The following TMEM184C variants were observed in gnomAD, a reference collection of about 807,000 sequenced individuals.
The protein encoded by TMEM184C is transmembrane protein 184C, also known as transmembrane protein 34.
Under a neutral mutation model 54.5 loss-of-function variants are expected in TMEM184C, and 25 were observed. That is an observed-to-expected ratio of 0.46 (90% confidence interval 0.33 to 0.64). The LOEUF (loss-of-function observed/expected upper bound fraction) is 0.64, where lower values mean the gene tolerates loss of function less well. TMEM184C is among the 30% of genes least tolerant of loss of function. The pLI is 0.02. For missense variants in TMEM184C, 335 were observed against 520.3 expected, an observed-to-expected ratio of 0.64 and a Z score of 3.46; for synonymous variants, 148 against 181.5, an observed-to-expected ratio of 0.82 and a Z score of 1.49.
At position 147,631,505 on chromosome 4, in the gene TMEM184C, GGTAA is replaced by G. The variant is rs1453242158; in HGVS notation, c.779+3_779+6del. 20 of 1,601,214 alleles carry G rather than the reference GGTAA, an allele frequency of 1.2e-5. No homozygotes were observed. Among genetic ancestry groups the G allele is most frequent in the Non-Finnish European group, 1.7e-5 (20 of 1,175,762 alleles). ...AAGCTGGTGGTTTTTGTTTCTTTTT[GGTAA>G]GTGTTACTTTTTTTTAAATGTTCTC... On this transcript the variant is annotated splice_donor_variant and splice_donor_region_variant and intron_variant, in intron 7 of 9. Coordinates refer to ENST00000296582, the MANE Select transcript of TMEM184C (RefSeq NM_018241.3). LOFTEE classifies it high-confidence loss of function.
chr4:147,631,385 G>C lies in TMEM184C; in HGVS notation c.667-8G>C, dbSNP rs1732914698. 1.9e-6 allele frequency: 3 copies of C among 1,551,196 alleles called. No homozygotes were observed. In the East Asian group the frequency reaches 6.9e-5, roughly 36 times the overall value. On this transcript the variant is annotated splice_polypyrimidine_tract_variant and splice_region_variant and intron_variant, in intron 6 of 9. Coordinates refer to ENST00000296582, the MANE Select transcript of TMEM184C (RefSeq NM_018241.3). Reference sequence around the variant, plus strand: ...CTGAACAAGTTTAAATGTTAATCTTGTTTCTAGTTTGCCATGTATTGTCTC... The same window carrying C: ...CTGAACAAGTTTAAATGTTAATCTTCTTTCTAGTTTGCCATGTATTGTCTC...
At chr4:147,619,030 C>T (rs1376365785) in intron 1 of TMEM184C, among the ~76,000 whole-genome samples, 3 of 151,922 alleles carry the variant, frequency 2.0e-5, no homozygotes, top group East Asian at 1.9e-4. Flanking sequence ...CCATCACGCC[C>T]GGCTAATTTT....
chr4:147,621,122 A>G lies in TMEM184C; in HGVS notation c.124-2712A>G, dbSNP rs917384755. ...TTCCCACTCACTTGGCTGACCATGT[A>G]TACCTGAAGTGAATGTGCATGCTGC... On this transcript the variant is annotated intron_variant, in intron 1 of 9. Transcript: ENST00000296582. Among the ~76,000 whole-genome samples the G allele has an allele frequency of 2.0e-5, 3 of 152,172 alleles. No homozygotes were observed. In the East Asian group the frequency reaches 5.8e-4, roughly 29 times the overall value.
At position 147,628,495 on chromosome 4, in the gene TMEM184C, A is replaced by G. The variant is rs565723886; in HGVS notation, c.572+60A>G. 9 of 1,366,042 alleles carry G rather than the reference A, an allele frequency of 6.6e-6. No individual in the cohort carries two copies. The East Asian group carries it at 9.2e-5, about 14-fold the overall frequency. 84.6% of individuals were successfully genotyped at this position (1,366,042 alleles called of 1,614,324 possible). A position where few individuals can be genotyped will look rare whatever the true frequency, so the allele number is the denominator to read the frequency against. On this transcript the variant is annotated intron_variant, in intron 5 of 9. Coordinates refer to ENST00000296582, the MANE Select transcript of TMEM184C (RefSeq NM_018241.3). ...CATCCTTGTGATCTTATGTGGGAAC[A>G]ACTAAGTAGAAAACATAGTGTTAAT...
chr4:147,632,167 T>A (rs1732928733), intron 7 of TMEM184C, among the ~76,000 whole-genome samples: 1 of 83,820 alleles, frequency 1.2e-5, no homozygotes, highest in African/African-American at 4.2e-5. Context: ...AGTGAAACTC[T>A]GTCTCAAAAA....
chr4:147,634,141 T>C, intron 9 of TMEM184C, 28 bp from the exon 10 acceptor site: 2 of 1,593,512 alleles, frequency 1.3e-6, no homozygotes, highest in Non-Finnish European at 1.7e-6. Flanking sequence ...AAAATAACTT[T>C]TGACTAACAG....
intron 8 of TMEM184C, 31 bp downstream of exon 8, chr4:147,633,033 A>ATTCAATG: frequency 6.3e-7 from 1 of 1,576,216 alleles, no homozygotes; most frequent in Non-Finnish European, 8.7e-7. Context: ...ATTCAATAGA[A>ATTCAATG]CTTTACTATT....
rs746266339 is a variant in TMEM184C, at chr4:147,634,421, C to T, written c.1304C>T (p.Ser435Phe). ...IGEKKEPSDK[S>F]VDS ...GAGAAAAAAGAACCTTCAGATAAAT[C>T]CGTGGATTCCTGAACAGTATGGAAA... The change falls in exon 10 of 10, where the codon TCC becomes TTC. Residue 435 changes from serine (S) to phenylalanine (F), a missense_variant. By Grantham distance (155) the Ser-to-Phe change is radical. Transcript: ENST00000296582. 9.3e-6 allele frequency: 15 copies of T among 1,613,880 alleles called. No homozygotes were observed. Among genetic ancestry groups the T allele is most frequent in the Non-Finnish European group, 1.3e-5 (15 of 1,179,950 alleles).
In TMEM184C at chr4:147,633,781, T is replaced by C; in HGVS notation, c.896T>C (p.Ile299Thr). 1 of 1,605,734 alleles carries C rather than the reference T, an allele frequency of 6.2e-7. No homozygotes were observed. Among genetic ancestry groups the C allele is most frequent in the Non-Finnish European group, 8.5e-7 (1 of 1,175,980 alleles). Residue 299 changes from isoleucine to threonine, a missense_variant, in exon 9 of 10, where the codon ATT (isoleucine) becomes ACT (threonine). Physicochemically the swap from Ile to Thr is moderately conservative, Grantham distance 89. Coordinates refer to ENST00000296582, the MANE Select transcript of TMEM184C (RefSeq NM_018241.3). Reference protein sequence around the residue: ...ATGLQDFIICIEMFLAAIAHH... With the variant: ...ATGLQDFIICTEMFLAAIAHH... Reference sequence around the variant, plus strand: ...TTCTCATAGGATTTTATTATCTGTATTGAGATGTTCCTCGCTGCCATTGCT... The same window carrying C: ...TTCTCATAGGATTTTATTATCTGTACTGAGATGTTCCTCGCTGCCATTGCT...
Position 147,634,605 on chromosome 4 carries a change from A to G in TMEM184C, c.*171A>G. The stretch of plus-strand genomic sequence containing the variant: ...ATGTAAGTTTTGTATATCAAAAATA[A>G]TTGGTCTAAATTTCCTAGACTTAGA... On this transcript the variant is annotated 3_prime_UTR_variant, in exon 10 of 10. Coordinates refer to ENST00000296582, the MANE Select transcript of TMEM184C (RefSeq NM_018241.3). 1.5e-6 allele frequency: 1 copy of G among 680,644 alleles called. No homozygotes were observed. Among genetic ancestry groups the G allele is most frequent in the South Asian group, 2.5e-5 (1 of 40,286 alleles). 42.2% of individuals were successfully genotyped at this position (680,644 alleles called of 1,614,324 possible). A position where few individuals can be genotyped will look rare whatever the true frequency, so the allele number is the denominator to read the frequency against.
rs1482927235 is a variant in TMEM184C, at chr4:147,631,394, T to G, written c.668T>G (p.Phe223Cys). The change falls in exon 7 of 10, where the codon TTT (phenylalanine) becomes TGT (cysteine). Residue 223 changes from phenylalanine (F) to cysteine (C), a missense_variant and splice_region_variant. By Grantham distance (205) the Phe-to-Cys change is radical (BLOSUM62 -2). Transcript: ENST00000296582. ...LVIINNMSQL[F>C]AMYCLLLFYK... The stretch of plus-strand genomic sequence containing the variant: ...TTTAAATGTTAATCTTGTTTCTAGT[T>G]TGCCATGTATTGTCTCCTGCTCTTT... The G allele has an allele frequency of 6.4e-7, 1 of 1,565,418 alleles. No homozygotes were observed. Among genetic ancestry groups the G allele is most frequent in the Admixed American group, 2.2e-5 (1 of 44,814 alleles).
intron 4 of TMEM184C, 94 bp from the exon 5 acceptor site, chr4:147,628,267 C>G: frequency 1.1e-6 from 1 of 901,130 alleles, no homozygotes; most frequent in South Asian, 1.6e-5. Context: ...AATATGGTAT[C>G]ATTCATCAAA....
Position 147,618,893 on chromosome 4 carries a change from G to T in TMEM184C, c.123+814G>T, listed in dbSNP as rs190018328. ...TTTTTGTTTGTTTGTTTATGAGACG[G>T]AGTTTTGCTCCTGTTGCCCAGGCTG... is the stretch of plus-strand genomic sequence containing the variant. On this transcript the variant is annotated intron_variant, in intron 1 of 9. Transcript: ENST00000296582. Among the ~76,000 whole-genome samples, 99 of 152,304 alleles carry T rather than the reference G, an allele frequency of 6.5e-4. 1 individual carries two copies. The highest frequency in any genetic ancestry group is 2.2e-3 in the African/African-American group (91 of 41,576).
At chr4:147,624,224 C>A in intron 3 of TMEM184C, 126 bp downstream of exon 3, 1 of 733,414 alleles carries the variant, frequency 1.4e-6, no homozygotes, top group Non-Finnish European at 2.1e-6. Flanking sequence ...AAAAGGTTCA[C>A]TTGTTTCTAA....
Position 147,633,802 on chromosome 4 carries a change from T to C in TMEM184C, c.917T>C (p.Ile306Thr), listed in dbSNP as rs747865434. 50 of 1,610,270 alleles carry C rather than the reference T, an allele frequency of 3.1e-5. 1 individual carries two copies. The highest frequency in any genetic ancestry group is 2.4e-4 in the South Asian group (22 of 90,432). ...TGTATTGAGATGTTCCTCGCTGCCATTGCTCATCATTACACATTCTCATAT... is the reference window on the plus strand; with the variant it reads ...TGTATTGAGATGTTCCTCGCTGCCACTGCTCATCATTACACATTCTCATAT... ...IICIEMFLAA[I>T]AHHYTFSYKP... Residue 306 changes from isoleucine (I) to threonine (T), a missense_variant, in exon 9 of 10, where the codon ATT becomes ACT. Transcript: ENST00000296582.
At chr4:147,632,077 G>T (rs1474274102) in intron 7 of TMEM184C, among the ~76,000 whole-genome samples, 1 of 150,984 alleles carries the variant, frequency 6.6e-6, no homozygotes, top group African/African-American at 2.4e-5. Context: ...GGCAGGGAAG[G>T]CAGGAGAATT....
intron 6 of TMEM184C, among the ~76,000 whole-genome samples, chr4:147,630,005 A>AT (rs1732886677): frequency 2.0e-5 from 3 of 151,642 alleles, no homozygotes; most frequent in Admixed American, 6.6e-5. Context: ...ACAGTGCTAC[A>AT]TAAAAAAAAA....
rs1333495245 is a variant in TMEM184C at position 147,636,369 on chromosome 4, G to T, written c.*1935G>T. On this transcript the variant is annotated 3_prime_UTR_variant, in exon 10 of 10. Transcript: ENST00000296582. ...ACAAAGACACCAAGAAGACACATCGGGGAAAGAACAGTCTTCATTAAGTGT... is the reference window on the plus strand; with the variant it reads ...ACAAAGACACCAAGAAGACACATCGTGGAAAGAACAGTCTTCATTAAGTGT... The T allele has an allele frequency of 6.6e-6, 1 of 151,972 alleles. No homozygotes were observed. The allele number at this position is 151,972 out of a possible 1,614,324, so 9.4% of individuals were successfully genotyped here.
intron 4 of TMEM184C, among the ~76,000 whole-genome samples, chr4:147,625,747 A>C (rs1489244936): frequency 6.6e-6 from 1 of 152,326 alleles, no homozygotes; most frequent in South Asian, 2.1e-4. Flanking sequence ...TCAATAGGAC[A>C]TGTCCACTAA....
Sources: allele counts gnomAD v4.1 joint callset (sites outside exome capture counted in the v4.1 genomes callset), GRCh38; gene constraint gnomAD v4.1.1; transcripts MANE v1.5; gene names NCBI Gene and HGNC (gene_info 2026-07-23, HGNC 2026-07-21).